The following SLC2A9 variants were observed in gnomAD, a reference collection of about 807,000 sequenced individuals.
SLC2A9 encodes solute carrier family 2 member 9, also known as solute carrier family 2, facilitated glucose transporter member 9.
In SLC2A9, 39 loss-of-function variants were observed where a neutral mutation model predicts 50.6. The observed-to-expected ratio is 0.77, with a 90% confidence interval of 0.60 to 1.01. The LOEUF (loss-of-function observed/expected upper bound fraction) is 1.01. Ranked by LOEUF, SLC2A9 falls within the 50% of genes least tolerant of loss-of-function variation. The pLI, the probability that SLC2A9 is intolerant of heterozygous loss-of-function variation, is 0.00. For synonymous variants in SLC2A9, 324 were observed against 276.9 expected (o/e 1.17, Z -1.69); for missense variants, 686 against 677.6 (o/e 1.01, Z -0.14).
chr4:10,005,345 G>A (rs1267258747), intron 2 of SLC2A9, among the ~76,000 whole-genome samples: 1 of 152,180 alleles, frequency 6.6e-6, no homozygotes, highest in Admixed American at 6.5e-5. Flanking sequence ...AGACGCAGTG[G>A]GTTGAAAGGT....
At chr4:9,955,637 C>T (rs1354335194) in intron 5 of SLC2A9, among the ~76,000 whole-genome samples, 1 of 152,050 alleles carries the variant, frequency 6.6e-6, no homozygotes, top group African/African-American at 2.4e-5. Context: ...GCTTTCACTC[C>T]TGCTCTAACT....
chr4:10,025,911 T>C (rs1429466485), upstream of SLC2A9: 2 of 1,613,948 alleles, frequency 1.2e-6, no homozygotes, highest in Admixed American at 1.7e-5. Flanking sequence ...GACCAATTTC[T>C]TTTTCGCTGA....
chr4:9,859,313 T>C (rs1311775049), intron 10 of SLC2A9, among the ~76,000 whole-genome samples: 1 of 152,182 alleles, frequency 6.6e-6, no homozygotes, highest in Non-Finnish European at 1.5e-5. Context: ...TCCGTCAAGG[T>C]GAACACCTTA....
chr4:9,791,902 G>T (rs1719961404), intron 3 of SLC2A9, among the ~76,000 whole-genome samples: 1 of 152,066 alleles, frequency 6.6e-6, no homozygotes, highest in Non-Finnish European at 1.5e-5. Context: ...CTAAGTTCTG[G>T]GTTAATTTGT....
In SLC2A9 at chr4:9,957,797, C is replaced by T. The variant is rs371137423; in HGVS notation, c.682-15752G>A. On this transcript the variant is annotated intron_variant, in intron 5 of 11. Coordinates refer to ENST00000264784, the MANE Select transcript of SLC2A9 (RefSeq NM_020041.3). ...AGGAAAGGACAGAAAATACTAAAATCAAACTTAGAAGAGCAGCCTATTATC... is the reference window on the plus strand; with the variant it reads ...AGGAAAGGACAGAAAATACTAAAATTAAACTTAGAAGAGCAGCCTATTATC... Among the ~76,000 whole-genome samples the T allele has an allele frequency of 2.6e-5, 4 of 152,110 alleles. No homozygotes were observed. The South Asian group carries it at 6.2e-4, about 24-fold the overall frequency.
intron 10 of SLC2A9, among the ~76,000 whole-genome samples, chr4:9,842,756 G>GC (rs893066608): frequency 6.6e-6 from 1 of 152,112 alleles, no homozygotes; most frequent in Non-Finnish European, 1.5e-5. Context: ...TTGAAAATTA[G>GC]CCCCAAATAA....
At chr4:9,982,360 G>A (rs757783829) in intron 4 of SLC2A9, among the ~76,000 whole-genome samples, 6 of 152,220 alleles carry the variant, frequency 3.9e-5, no homozygotes, top group African/African-American at 7.2e-5. Context: ...AACAGGCCAC[G>A]TGCCACAAGT....
intron 3 of SLC2A9, among the ~76,000 whole-genome samples, chr4:9,790,968 C>A (rs1347662360): frequency 6.6e-6 from 1 of 152,154 alleles, no homozygotes; most frequent in African/African-American, 2.4e-5. Flanking sequence ...TTGAATTATT[C>A]TTAGATATTC....
chr4:9,822,323 T>C (rs1186349253), downstream of SLC2A9, among the ~76,000 whole-genome samples: 1 of 152,190 alleles, frequency 6.6e-6, no homozygotes, highest in African/African-American at 2.4e-5. Flanking sequence ...ATTATTTTCT[T>C]CCCTGTGTTT....
chr4:9,794,793 C>A (rs1466950086), downstream of SLC2A9, among the ~76,000 whole-genome samples: 2 of 152,068 alleles, frequency 1.3e-5, no homozygotes, highest in African/African-American at 4.8e-5. Flanking sequence ...AGAAAGCAAA[C>A]CTGGTGGTGG....
intron 2 of SLC2A9, among the ~76,000 whole-genome samples, chr4:10,000,900 C>T (rs1395282502): frequency 6.6e-6 from 1 of 152,172 alleles, no homozygotes; most frequent in Non-Finnish European, 1.5e-5. Flanking sequence ...TTAACTCCTG[C>T]CCTTGATCCA....
chr4:9,985,445 G>A (rs914844251), intron 4 of SLC2A9, among the ~76,000 whole-genome samples: 2 of 152,150 alleles, frequency 1.3e-5, no homozygotes, highest in African/African-American at 2.4e-5. Context: ...GGTAGACTGC[G>A]GACCCTGCCC....
chr4:9,839,695 AG>A (rs1038578405), intron 10 of SLC2A9, among the ~76,000 whole-genome samples: 3 of 152,192 alleles, frequency 2.0e-5, no homozygotes, highest in African/African-American at 7.2e-5. Context: ...ATGGAACTGG[AG>A]GCCATTATCC....
intron 3 of SLC2A9, among the ~76,000 whole-genome samples, chr4:9,803,865 T>C (rs1387811174): frequency 6.6e-6 from 1 of 152,250 alleles, no homozygotes; most frequent in East Asian, 1.9e-4. Context: ...TCCTATGTGC[T>C]AGGGGATATG....
upstream of SLC2A9, among the ~76,000 whole-genome samples, chr4:10,024,497 C>T (rs1309166680): frequency 6.6e-6 from 1 of 152,200 alleles, no homozygotes; most frequent in Non-Finnish European, 1.5e-5. Context: ...AGAAGGCAGC[C>T]ACTTCTGCCA....
At chr4:9,983,552 C>G (rs1756235590) in intron 4 of SLC2A9, among the ~76,000 whole-genome samples, 1 of 152,160 alleles carries the variant, frequency 6.6e-6, no homozygotes, top group Non-Finnish European at 1.5e-5. Context: ...CCTGCTAACA[C>G]CCAAACACAG....
chr4:9,900,499 G>C (rs1739401947), intron 8 of SLC2A9, among the ~76,000 whole-genome samples: 1 of 152,102 alleles, frequency 6.6e-6, no homozygotes, highest in Non-Finnish European at 1.5e-5. Flanking sequence ...AACTGCAGGG[G>C]AATGTGCTTC....
At chr4:9,990,874 T>C (rs899698893) in intron 3 of SLC2A9, among the ~76,000 whole-genome samples, 1 of 152,202 alleles carries the variant, frequency 6.6e-6, no homozygotes, top group Non-Finnish European at 1.5e-5. Context: ...CTTCTAAGGC[T>C]GGGAGAAGCA....
rs779111948 is a variant in SLC2A9 at position 9,830,728 on chromosome 4, G to A, written c.1420-4128C>T. Among the ~76,000 whole-genome samples the A allele has an allele frequency of 2.0e-4, 30 of 152,296 alleles. 1 individual carries two copies. The highest frequency in any genetic ancestry group is 1.2e-3 in the South Asian group (6 of 4,824). On this transcript the variant is annotated intron_variant, in intron 11 of 11. Transcript: ENST00000264784. ...ATTTGCATGCAATTTTCTCTGAATC[G>A]GAAAATATTGGCACTCCACACTGGA...
Sources: allele counts gnomAD v4.1 joint callset (sites outside exome capture counted in the v4.1 genomes callset), GRCh38; gene constraint gnomAD v4.1.1; transcripts MANE v1.5; gene names NCBI Gene and HGNC (gene_info 2026-07-23, HGNC 2026-07-21).